The following GPC6 variants were observed in gnomAD, a reference collection of about 807,000 sequenced individuals.
GPC6 encodes the protein glypican-6.
A neutral mutation model predicts 55.2 loss-of-function variants in GPC6; 14 were observed. The observed-to-expected ratio is 0.25, with a 90% confidence interval of 0.17 to 0.40. GPC6 has a LOEUF of 0.40. Ranked by LOEUF, GPC6 falls within the 10% of genes least tolerant of loss-of-function variation. The pLI is 1.00. For synonymous variants in GPC6, 278 were observed against 259.6 expected (o/e 1.07, Z -0.68); for missense variants, 641 against 708.5 (o/e 0.90, Z 1.08).
At chr13:93,334,993 C>T (rs928080807) in intron 1 of GPC6, among the ~76,000 whole-genome samples, 1 of 152,108 alleles carries the variant, frequency 6.6e-6, no homozygotes, top group Non-Finnish European at 1.5e-5. Context: ...TAATTGCCAA[C>T]AATAAATGAA....
intron 1 of GPC6, among the ~76,000 whole-genome samples, chr13:93,412,499 A>G (rs1876543828): frequency 1.3e-5 from 2 of 152,122 alleles, no homozygotes; most frequent in African/African-American, 2.4e-5. Flanking sequence ...TCTACTAAAA[A>G]TTCAAAAATT....
intron 4 of GPC6, among the ~76,000 whole-genome samples, chr13:94,281,314 C>T (rs1892373941): frequency 6.6e-6 from 1 of 152,156 alleles, no homozygotes; most frequent in South Asian, 2.1e-4. Flanking sequence ...GCTCCACATG[C>T]ATTACGTATT....
rs560173273 is a variant in GPC6 at position 94,245,436 on chromosome 13, G to A, written c.878-40913G>A. On this transcript the variant is annotated intron_variant, in intron 4 of 8. Coordinates refer to ENST00000377047, the MANE Select transcript of GPC6 (RefSeq NM_005708.5). ...AATTTAAAAGCTAGCCAGGTAAGGT[G>A]GCACATTCCTATAGTCCCAGCTACT... is the stretch of plus-strand genomic sequence containing the variant. Among the ~76,000 whole-genome samples, 38 of 151,950 alleles carry A rather than the reference G, an allele frequency of 2.5e-4. No individual in the cohort carries two copies. The South Asian group carries it at 6.0e-3, about 24-fold the overall frequency.
chr13:93,977,386 G>A (rs1054876751), intron 3 of GPC6, among the ~76,000 whole-genome samples: 7 of 151,428 alleles, frequency 4.6e-5, no homozygotes, highest in African/African-American at 1.7e-4. Context: ...TTGCATTTAT[G>A]CTTTATTATT....
chr13:93,886,933 G>A (rs7983687), intron 3 of GPC6, among the ~76,000 whole-genome samples: 3 of 151,558 alleles, frequency 2.0e-5, no homozygotes, highest in South Asian at 2.1e-4. Flanking sequence ...GAATACATGC[G>A]TCTAACTGGA....
chr13:93,446,590 C>CA (rs1317200211), intron 1 of GPC6, among the ~76,000 whole-genome samples: 22 of 152,124 alleles, frequency 1.4e-4, no homozygotes, highest in African/African-American at 5.3e-4. Context: ...TTAGACATAG[C>CA]ATGATGACTA....
intron 4 of GPC6, among the ~76,000 whole-genome samples, chr13:94,071,914 C>T (rs562059632): frequency 1.3e-5 from 2 of 152,274 alleles, no homozygotes; most frequent in African/African-American, 4.8e-5. Context: ...AAGTATAAGG[C>T]TTGAATTTTC....
At chr13:94,171,027 G>C (rs1178410391) in intron 4 of GPC6, among the ~76,000 whole-genome samples, 1 of 152,192 alleles carries the variant, frequency 6.6e-6, no homozygotes, top group Non-Finnish European at 1.5e-5. Flanking sequence ...GTGAAAATAA[G>C]TGTGCCTTTT....
chr13:93,706,478 T>C (rs1306920187), intron 2 of GPC6, among the ~76,000 whole-genome samples: 2 of 151,940 alleles, frequency 1.3e-5, no homozygotes, highest in African/African-American at 2.4e-5. Flanking sequence ...ACGTTTGTTT[T>C]TGAAATTCGT....
At chr13:93,384,164 C>A (rs1875296204) in intron 1 of GPC6, among the ~76,000 whole-genome samples, 1 of 151,956 alleles carries the variant, frequency 6.6e-6, no homozygotes, top group Admixed American at 6.6e-5. Flanking sequence ...AGCACACTTT[C>A]TGGATTTACT....
intron 4 of GPC6, among the ~76,000 whole-genome samples, chr13:94,123,362 C>G (rs923281240): frequency 2.0e-5 from 3 of 151,998 alleles, no homozygotes; most frequent in Non-Finnish European, 4.4e-5. Flanking sequence ...AATACAAACA[C>G]TTCCCCAAAA....
chr13:93,478,997 A>G (rs1879401027), intron 1 of GPC6, among the ~76,000 whole-genome samples: 1 of 152,194 alleles, frequency 6.6e-6, no homozygotes, highest in Non-Finnish European at 1.5e-5. Flanking sequence ...TGCAGGCTGT[A>G]GCCTAAGCTA....
At chr13:94,135,512 G>A (rs1887155193) in intron 4 of GPC6, among the ~76,000 whole-genome samples, 1 of 152,150 alleles carries the variant, frequency 6.6e-6, no homozygotes, top group Admixed American at 6.5e-5. Flanking sequence ...TTTATTGAGA[G>A]CCAAATGGGC....
chr13:93,256,671 G>A (rs746215529), intron 1 of GPC6, among the ~76,000 whole-genome samples: 11 of 152,068 alleles, frequency 7.2e-5, no homozygotes, highest in Non-Finnish European at 1.2e-4. Flanking sequence ...ACTAAGTCCT[G>A]TATGTTCTCT....
intron 2 of GPC6, among the ~76,000 whole-genome samples, chr13:93,689,408 A>G (rs1594373924): frequency 6.6e-6 from 1 of 152,114 alleles, no homozygotes; most frequent in African/African-American, 2.4e-5. Flanking sequence ...TAAAAGTTAT[A>G]TAAGTAAAAT....
chr13:94,393,091 A>G (rs575569925), intron 7 of GPC6, among the ~76,000 whole-genome samples: 471 of 152,268 alleles, frequency 3.1e-3, no homozygotes, highest in African/African-American at 0.011. Context: ...TAAAACTTAG[A>G]TTTTTAAGAA....
intron 1 of GPC6, among the ~76,000 whole-genome samples, chr13:93,429,546 C>T (rs1380053108): frequency 1.3e-5 from 2 of 152,072 alleles, no homozygotes; most frequent in Admixed American, 1.3e-4. Context: ...GACACACTGC[C>T]CATTCATGAC....
At chr13:93,756,396 A>G (rs1044941713) in intron 2 of GPC6, among the ~76,000 whole-genome samples, 67 of 152,324 alleles carry the variant, frequency 4.4e-4, no homozygotes, top group African/African-American at 1.4e-3. Flanking sequence ...TCCCAAAGAC[A>G]GAAATGTACT....
chr13:93,736,655 A>T (rs1450518070), intron 2 of GPC6, among the ~76,000 whole-genome samples: 2 of 152,228 alleles, frequency 1.3e-5, no homozygotes, highest in Non-Finnish European at 2.9e-5. Flanking sequence ...GCTTAAATAA[A>T]CATAGCCTTA....
Sources: gnomAD v4.1 joint callset for allele counts (sites outside exome capture counted in the v4.1 genomes callset) on GRCh38, gnomAD v4.1.1 for gene constraint, MANE v1.5 for transcripts, NCBI Gene and HGNC (gene_info 2026-07-23, HGNC 2026-07-21) for gene names.